MIER2: variants seen among roughly 807,000 people sequenced by gnomAD.
MIER2 encodes the protein MIER family member 2, also known as mesoderm induction early response protein 2.
MIER2 carries 30 observed loss-of-function variants against 67.6 expected under a neutral mutation model. The ratio of observed to expected loss-of-function variants is 0.44; its 90% CI spans 0.33 to 0.60. The LOEUF (loss-of-function observed/expected upper bound fraction) is 0.60, where lower values mean the gene tolerates loss of function less well. MIER2 is among the 20% of genes least tolerant of loss of function. The pLI is 0.02. For synonymous variants in MIER2, 372 were observed against 312.6 expected, an observed-to-expected ratio of 1.19 and a Z score of -2.00; for missense variants, 702 against 745.1, an observed-to-expected ratio of 0.94 and a Z score of 0.67.
intron 1 of MIER2, chr19:344,268 C>T (rs1049132787): frequency 4.1e-6 from 4 of 985,284 alleles, no homozygotes; most frequent in Middle Eastern, 5.2e-4. Context: ...GACCCAGCCC[C>T]GCCGGGGGGC....
chr19:344,495 T>TCCCCCACCCCGG (rs1313382249), intron 1 of MIER2: 3 of 481,302 alleles, frequency 6.2e-6, no homozygotes, highest in Non-Finnish European at 8.0e-6. Context: ...GTCCCTCCCC[T>TCCCCCACCCCGG]CCCCCACCCC....
intron 1 of MIER2, chr19:343,963 A>C: frequency 6.1e-6 from 6 of 985,396 alleles, no homozygotes; most frequent in Non-Finnish European, 7.2e-6. Context: ...CTTATCCTAG[A>C]CAGTCCTAGG....
chr19:311,813 C>A, intron 10 of MIER2, 32 bp downstream of exon 10: 2 of 1,607,290 alleles, frequency 1.2e-6, no homozygotes, highest in Non-Finnish European at 1.7e-6. Flanking sequence ...GATCGAGAAG[C>A]CCCCGGTGGA....
chr19:336,783 A>G (rs1317097375), intron 1 of MIER2, among the ~76,000 whole-genome samples: 1 of 152,204 alleles, frequency 6.6e-6, no homozygotes, highest in African/African-American at 2.4e-5. Context: ...TGTCAATTAC[A>G]ATTTTTTTTT....
At chr19:311,412 G>A (rs1464613456) in intron 10 of MIER2, among the ~76,000 whole-genome samples, 1 of 152,184 alleles carries the variant, frequency 6.6e-6, no homozygotes, top group African/African-American at 2.4e-5. Context: ...CCTGTCATGA[G>A]GGTTTGTCCC....
chr19:339,803 G>A (rs931858952), intron 1 of MIER2, among the ~76,000 whole-genome samples: 16 of 152,094 alleles, frequency 1.1e-4, no homozygotes, highest in Non-Finnish European at 2.1e-4. Context: ...CTGGTGGAAA[G>A]GGGCTGGGAG....
At chr19:341,510 C>A (rs1972500167) in intron 1 of MIER2, among the ~76,000 whole-genome samples, 1 of 152,164 alleles carries the variant, frequency 6.6e-6, no homozygotes, top group Admixed American at 6.5e-5. Flanking sequence ...AGTTCATTTC[C>A]AGGCGACTCT....
chr19:325,764 T>A, intron 6 of MIER2, 60 bp from the exon 7 acceptor site: 3 of 1,591,814 alleles, frequency 1.9e-6, no homozygotes, highest in Non-Finnish European at 2.6e-6. Flanking sequence ...GGCGGGAGGC[T>A]GGCTGCAGCG....
intron 7 of MIER2, among the ~76,000 whole-genome samples, chr19:324,704 T>A (rs1196334842): frequency 6.6e-6 from 1 of 152,030 alleles, no homozygotes; most frequent in Non-Finnish European, 1.5e-5. Flanking sequence ...ACAGGTGTCA[T>A]ACCGAGTGGG....
chr19:310,381 T>A (rs72984418), intron 10 of MIER2, among the ~76,000 whole-genome samples: 5,880 of 152,206 alleles, frequency 0.039, 200 homozygotes, highest in Non-Finnish European at 0.063. Flanking sequence ...ACGAGGGAGC[T>A]CTTCTGTGAA....
intron 7 of MIER2, among the ~76,000 whole-genome samples, chr19:325,147 G>A (rs967527092): frequency 1.3e-5 from 2 of 152,250 alleles, no homozygotes; most frequent in African/African-American, 4.8e-5. Context: ...GTGACTCCAC[G>A]CCTCAAAGGG....
intron 3 of MIER2, among the ~76,000 whole-genome samples, chr19:333,944 G>T (rs28518772): frequency 1.3e-5 from 2 of 151,912 alleles, no homozygotes; most frequent in African/African-American, 4.8e-5. Context: ...CGCGCACCTC[G>T]GCCTCCCAAA....
At chr19:319,939 G>C (rs1425260042) in intron 7 of MIER2, among the ~76,000 whole-genome samples, 1 of 152,232 alleles carries the variant, frequency 6.6e-6, no homozygotes, top group African/African-American at 2.4e-5. Context: ...TCAAACTGAG[G>C]AGGGAAGGGA....
intron 6 of MIER2, 25 bp from the exon 7 acceptor site, chr19:325,729 A>G (rs1971708975): frequency 6.2e-7 from 1 of 1,613,932 alleles, no homozygotes; most frequent in Non-Finnish European, 8.5e-7. Context: ...CCTGGGAATC[A>G]GGACACTGAG....
chr19:344,194 C>G lies in MIER2; in HGVS notation c.9+580G>C, dbSNP rs1972633346. 3 of 985,410 alleles carry G rather than the reference C, an allele frequency of 3.0e-6. No individual in the cohort carries two copies. In the Middle Eastern group the frequency reaches 1.6e-3, roughly 515 times the overall value. 61.0% of individuals were successfully genotyped at this position (985,410 alleles called of 1,614,324 possible). On this transcript the variant is annotated intron_variant, in intron 1 of 13. Coordinates refer to ENST00000264819, the MANE Select transcript of MIER2 (RefSeq NM_017550.3). Reference sequence around the variant, plus strand: ...GCTCTCTAGGCCCCGGCAGACCCACCCACCCTGCGCCCAGTTCGCGCCAGG... The same window carrying G: ...GCTCTCTAGGCCCCGGCAGACCCACGCACCCTGCGCCCAGTTCGCGCCAGG...
intron 7 of MIER2, among the ~76,000 whole-genome samples, chr19:316,277 TATC>T (rs765170156): frequency 1.3e-5 from 2 of 151,904 alleles, no homozygotes; most frequent in Non-Finnish European, 2.9e-5. Flanking sequence ...ACAACAATGT[TATC>T]ATCTTGTGAT....
At chr19:337,289 T>G (rs1257041268) in intron 1 of MIER2, among the ~76,000 whole-genome samples, 1 of 152,168 alleles carries the variant, frequency 6.6e-6, no homozygotes. Context: ...AGTCAATTAA[T>G]ATAATACATC....
At chr19:322,701 C>T (rs1329621221) in intron 7 of MIER2, among the ~76,000 whole-genome samples, 1 of 152,044 alleles carries the variant, frequency 6.6e-6, no homozygotes, top group Non-Finnish European at 1.5e-5. Context: ...TGTGGAGCAA[C>T]TCCCACAAAT....
intron 5 of MIER2, 151 bp downstream of exon 5, chr19:326,982 A>AC: frequency 9.0e-7 from 1 of 1,104,984 alleles, no homozygotes; most frequent in Non-Finnish European, 1.3e-6. Context: ...AGAACAAAGC[A>AC]CCCCCAGGGC....
Sources: gnomAD v4.1 joint callset for allele counts (sites outside exome capture counted in the v4.1 genomes callset) on GRCh38, gnomAD v4.1.1 for gene constraint, MANE v1.5 for transcripts, NCBI Gene and HGNC (gene_info 2026-07-23, HGNC 2026-07-21) for gene names.